CERKL: variants seen among roughly 807,000 people sequenced by gnomAD.
The protein encoded by CERKL is ceramide kinase-like protein.
Under a neutral mutation model 63.4 loss-of-function variants are expected in CERKL, and 61 were observed. That is an observed-to-expected ratio of 0.96 (90% CI 0.78 to 1.19). The LOEUF (loss-of-function observed/expected upper bound fraction) is 1.19. Ranked by LOEUF, CERKL falls within the 50% of genes most tolerant of loss-of-function variation. The pLI, the probability that CERKL is intolerant of heterozygous loss-of-function variation, is 0.00. For synonymous variants in CERKL, 250 were observed against 230.5 expected, an observed-to-expected ratio of 1.08 and a Z score of -0.77; for missense variants, 675 against 655.5, an observed-to-expected ratio of 1.03 and a Z score of -0.33.
intron 2 of CERKL, among the ~76,000 whole-genome samples, chr2:181,575,254 C>T (rs965586084): frequency 6.6e-6 from 1 of 152,204 alleles, no homozygotes; most frequent in South Asian, 2.1e-4. Flanking sequence ...TGGCTCATTG[C>T]TGCCTGAAGA....
chr2:181,650,328 A>G (rs1687873039), intron 1 of CERKL, among the ~76,000 whole-genome samples: 1 of 152,246 alleles, frequency 6.6e-6, no homozygotes, highest in Non-Finnish European at 1.5e-5. Flanking sequence ...ATGAAAATAT[A>G]CCATAACAAA....
intron 10 of CERKL, among the ~76,000 whole-genome samples, chr2:181,546,673 A>C (rs1294144447): frequency 1.3e-5 from 2 of 152,172 alleles, no homozygotes; most frequent in Non-Finnish European, 2.9e-5. Context: ...TGGATTCAGG[A>C]AAGAAATATT....
rs147417090 is a variant in CERKL at position 181,656,256 on chromosome 2, A to G, written c.238+513T>C. 2.0e-5 allele frequency among the ~76,000 whole-genome samples: 3 copies of G among 152,332 alleles called. No homozygotes were observed. In the East Asian group the frequency reaches 5.8e-4, roughly 29 times the overall value. ...AGGTGAGGGGCAGAAAAAAACCCAG[A>G]AACACTCCCAAAGCTCTGGAGTTAC... is the stretch of plus-strand genomic sequence containing the variant. On this transcript the variant is annotated intron_variant, in intron 1 of 12. Transcript: ENST00000410087.
intron 1 of CERKL, among the ~76,000 whole-genome samples, chr2:181,640,996 G>C (rs1396993129): frequency 1.3e-5 from 2 of 152,182 alleles, no homozygotes; most frequent in East Asian, 3.9e-4. Context: ...TTTGCCTTCA[G>C]ATGCTGCCAT....
intron 1 of CERKL, among the ~76,000 whole-genome samples, chr2:181,629,855 T>C (rs908186965): frequency 8.6e-5 from 13 of 151,776 alleles, no homozygotes; most frequent in African/African-American, 3.1e-4. Flanking sequence ...TGTAAAAAAT[T>C]ACCCATCTTT....
At chr2:181,596,539 C>T (rs1476132156) in intron 2 of CERKL, among the ~76,000 whole-genome samples, 1 of 152,158 alleles carries the variant, frequency 6.6e-6, no homozygotes, top group Non-Finnish European at 1.5e-5. Context: ...TCAACCTTTT[C>T]CAAGCATCCC....
chr2:181,559,648 T>C (rs2105821919), intron 4 of CERKL, among the ~76,000 whole-genome samples: 1 of 152,302 alleles, frequency 6.6e-6, no homozygotes, highest in African/African-American at 2.4e-5. Flanking sequence ...AGGCTGAGTC[T>C]CCTAATTTGT....
intron 5 of CERKL, among the ~76,000 whole-genome samples, chr2:181,551,322 A>G (rs1461406975): frequency 1.3e-5 from 2 of 152,160 alleles, no homozygotes; most frequent in Non-Finnish European, 2.9e-5. Flanking sequence ...TCTGAAAAAG[A>G]AATCAAGAAA....
chr2:181,633,851 C>T (rs1687067014), intron 1 of CERKL, among the ~76,000 whole-genome samples: 2 of 152,124 alleles, frequency 1.3e-5, no homozygotes, highest in Admixed American at 1.3e-4. Context: ...CCTGTCTTCA[C>T]ACACGCATCA....
chr2:181,645,332 C>G (rs542186481), intron 1 of CERKL, among the ~76,000 whole-genome samples: 5 of 152,286 alleles, frequency 3.3e-5, no homozygotes, highest in Admixed American at 2.6e-4. Flanking sequence ...GTAACAAATT[C>G]ATTCATTCAA....
intron 1 of CERKL, among the ~76,000 whole-genome samples, chr2:181,648,419 G>A (rs1687758609): frequency 6.6e-6 from 1 of 151,960 alleles, no homozygotes; most frequent in Non-Finnish European, 1.5e-5. Flanking sequence ...AAAAAAACGA[G>A]TCTCGGCCAA....
chr2:181,635,895 T>C (rs1298223737), intron 1 of CERKL, among the ~76,000 whole-genome samples: 3 of 152,222 alleles, frequency 2.0e-5, no homozygotes, highest in African/African-American at 4.8e-5. Flanking sequence ...ATATTATGAA[T>C]GTATAAAGAT....
intron 1 of CERKL, among the ~76,000 whole-genome samples, chr2:181,636,592 A>G (rs915112389): frequency 6.6e-6 from 1 of 152,224 alleles, no homozygotes; most frequent in Non-Finnish European, 1.5e-5. Flanking sequence ...ACTACTGACT[A>G]AAAACAAAGC....
chr2:181,638,103 A>G (rs1687261882), intron 1 of CERKL, among the ~76,000 whole-genome samples: 2 of 152,216 alleles, frequency 1.3e-5, no homozygotes, highest in Admixed American at 1.3e-4. Context: ...TTAGGCCTGC[A>G]CTTGAATTGG....
intron 1 of CERKL, among the ~76,000 whole-genome samples, chr2:181,651,913 T>TTTA (rs1553524757): frequency 6.7e-6 from 1 of 148,670 alleles, no homozygotes; most frequent in African/African-American, 2.4e-5. Flanking sequence ...AGTACTTTTT[T>TTTA]AAAAAAAAAG....
At chr2:181,575,974 TTACTC>T (rs1223233373) in intron 2 of CERKL, among the ~76,000 whole-genome samples, 1 of 152,174 alleles carries the variant, frequency 6.6e-6, no homozygotes, top group Non-Finnish European at 1.5e-5. Context: ...TGCTCACACT[TTACTC>T]TATGTTCCTC....
chr2:181,606,797 T>A (rs1241685649), intron 1 of CERKL, among the ~76,000 whole-genome samples: 3 of 152,122 alleles, frequency 2.0e-5, no homozygotes, highest in Non-Finnish European at 4.4e-5. Context: ...AATCAAACAA[T>A]CATTACTATT....
chr2:181,621,988 C>T (rs1686474769), intron 1 of CERKL, among the ~76,000 whole-genome samples: 1 of 152,050 alleles, frequency 6.6e-6, no homozygotes, highest in Admixed American at 6.6e-5. Flanking sequence ...TCCTTTCAGC[C>T]CTGATTACAT....
At chr2:181,643,018 A>G (rs1377342493) in intron 1 of CERKL, among the ~76,000 whole-genome samples, 2 of 152,164 alleles carry the variant, frequency 1.3e-5, no homozygotes, top group Admixed American at 6.5e-5. Flanking sequence ...GCTTTGACTT[A>G]TATTTCCCAG....
Sources: gnomAD v4.1 joint callset for allele counts (sites outside exome capture counted in the v4.1 genomes callset) on GRCh38, gnomAD v4.1.1 for gene constraint, MANE v1.5 for transcripts, NCBI Gene and HGNC (gene_info 2026-07-23, HGNC 2026-07-21) for gene names.